The following RPS6KC1 variants were observed in gnomAD, a reference collection of about 807,000 sequenced individuals.
RPS6KC1 encodes ribosomal protein S6 kinase C1, also known as inactive ribosomal protein S6 kinase delta-1.
In RPS6KC1, 54 loss-of-function variants were observed where a neutral mutation model predicts 103.8. The ratio of observed to expected loss-of-function variants is 0.52; its 90% CI spans 0.42 to 0.65. The LOEUF (loss-of-function observed/expected upper bound fraction) is 0.65. Among genes scored for constraint, RPS6KC1 ranks in the 30% least tolerant of loss-of-function variants. RPS6KC1 has a pLI of 0.00. For missense variants in RPS6KC1, 1,151 were observed against 1,253.8 expected, an observed-to-expected ratio of 0.92 and a Z score of 1.24; for synonymous variants, 439 against 438.7, an observed-to-expected ratio of 1.00 and a Z score of -0.01.
At chr1:213,187,544 C>T (rs1303562088) in intron 8 of RPS6KC1, among the ~76,000 whole-genome samples, 3 of 151,722 alleles carry the variant, frequency 2.0e-5, no homozygotes, top group Admixed American at 2.0e-4. Flanking sequence ...CTGTGCCTGG[C>T]CTAATTTCTT....
intron 3 of RPS6KC1, among the ~76,000 whole-genome samples, chr1:213,087,445 C>T (rs1382984692): frequency 2.0e-5 from 3 of 152,134 alleles, no homozygotes; most frequent in African/African-American, 7.2e-5. Context: ...GAGGCTGTGC[C>T]AGTTATCCCT....
At chr1:213,168,026 T>C (rs1356804519) in intron 7 of RPS6KC1, 53 bp downstream of exon 7, 3 of 1,099,676 alleles carry the variant, frequency 2.7e-6, no homozygotes, top group African/African-American at 3.1e-5. Flanking sequence ...TGCTGTCTGG[T>C]CTCTCTGCTT....
chr1:213,500,172 A>AT, the RPS6KC1 span, among the ~76,000 whole-genome samples: 2 of 152,188 alleles, frequency 1.3e-5, no homozygotes, highest in African/African-American at 2.4e-5. Context: ...ATGCTATACA[A>AT]TTTTTTAAAA....
the RPS6KC1 span, among the ~76,000 whole-genome samples, chr1:213,789,455 G>T: frequency 6.6e-6 from 1 of 152,172 alleles, no homozygotes; most frequent in Admixed American, 6.5e-5. Flanking sequence ...AGGACCACAG[G>T]TTGAACCAAA....
chr1:213,690,930 T>A, the RPS6KC1 span, among the ~76,000 whole-genome samples: 1 of 152,152 alleles, frequency 6.6e-6, no homozygotes, highest in African/African-American at 2.4e-5. Context: ...TCTTCTTTAT[T>A]ACCCTGCTAA....
chr1:213,482,197 GAAGAA>G, the RPS6KC1 span, among the ~76,000 whole-genome samples: 1 of 152,110 alleles, frequency 6.6e-6, no homozygotes, highest in Admixed American at 6.6e-5. Flanking sequence ...TCATAGCAGT[GAAGAA>G]GAGACTAATA....
intron 7 of RPS6KC1, 89 bp from the exon 8 acceptor site, chr1:213,176,311 C>T: frequency 1.5e-6 from 1 of 665,114 alleles, no homozygotes; most frequent in Non-Finnish European, 2.5e-6. Flanking sequence ...GATGAATTTA[C>T]TTTCCTTTGG....
At chr1:213,148,225 A>G (rs1423706467) in intron 6 of RPS6KC1, among the ~76,000 whole-genome samples, 1 of 152,108 alleles carries the variant, frequency 6.6e-6, no homozygotes, top group Non-Finnish European at 1.5e-5. Flanking sequence ...GTGTTGAATA[A>G]CAGTGGTAAA....
At chr1:213,240,574 G>A in intron 10 of RPS6KC1, 128 bp from the exon 11 acceptor site, 4 of 753,254 alleles carry the variant, frequency 5.3e-6, no homozygotes, top group South Asian at 1.9e-5. Flanking sequence ...TATGGCACAC[G>A]ATATTAATGG....
intron 6 of RPS6KC1, among the ~76,000 whole-genome samples, chr1:213,155,838 T>C (rs1002319589): frequency 3.3e-5 from 5 of 152,128 alleles, no homozygotes; most frequent in African/African-American, 1.2e-4. Context: ...TATTCTGCTG[T>C]CTTGTTCCAC....
At chr1:213,803,693 G>T in the RPS6KC1 span, among the ~76,000 whole-genome samples, 48 of 152,138 alleles carry the variant, frequency 3.2e-4, 1 homozygote, top group Non-Finnish European at 8.8e-5. Flanking sequence ...ATGGGTCATT[G>T]CTGACCAGCA....
At chr1:213,591,938 G>A in the RPS6KC1 span, among the ~76,000 whole-genome samples, 1 of 152,198 alleles carries the variant, frequency 6.6e-6, no homozygotes, top group African/African-American at 2.4e-5. Context: ...CCCCAGGAAG[G>A]GAGCATGACC....
At chr1:213,524,576 GA>G in the RPS6KC1 span, among the ~76,000 whole-genome samples, 1 of 152,188 alleles carries the variant, frequency 6.6e-6, no homozygotes, top group East Asian at 1.9e-4. Flanking sequence ...CTCTGGTGTG[GA>G]AAGTATGGGC....
At chr1:213,149,404 C>G (rs1446192821) in intron 6 of RPS6KC1, among the ~76,000 whole-genome samples, 1 of 152,192 alleles carries the variant, frequency 6.6e-6, no homozygotes, top group African/African-American at 2.4e-5. Flanking sequence ...CATTTACTCA[C>G]TGGTCATTCA....
the RPS6KC1 span, among the ~76,000 whole-genome samples, chr1:213,482,488 G>A: frequency 2.3e-5 from 3 of 129,046 alleles, no homozygotes; most frequent in Non-Finnish European, 5.0e-5. Context: ...TATGTATTTT[G>A]TAAGGAGCTT....
At chr1:213,300,110 A>G in the RPS6KC1 span, among the ~76,000 whole-genome samples, 1 of 152,340 alleles carries the variant, frequency 6.6e-6, no homozygotes, top group Non-Finnish European at 1.5e-5. Context: ...CCGCCGCTAA[A>G]TTCTTTTTTT....
chr1:213,781,890 AT>A, the RPS6KC1 span, among the ~76,000 whole-genome samples: 1 of 152,302 alleles, frequency 6.6e-6, no homozygotes, highest in Admixed American at 6.5e-5. Flanking sequence ...GATTCAGAAC[AT>A]TGGCAAATGG....
intron 1 of RPS6KC1, among the ~76,000 whole-genome samples, chr1:213,058,058 C>CTTTTT (rs1558232709): frequency 7.2e-6 from 1 of 139,732 alleles, no homozygotes; most frequent in Non-Finnish European, 1.5e-5. Context: ...GTGCGCCTGA[C>CTTTTT]CTTTTTTTTT....
chr1:213,134,607 A>AG (rs1417973112), intron 6 of RPS6KC1, among the ~76,000 whole-genome samples: 1 of 152,160 alleles, frequency 6.6e-6, no homozygotes, highest in Non-Finnish European at 1.5e-5. Context: ...CTAGGCTATC[A>AG]GGGATGTCCA....
Sources: gnomAD v4.1 joint callset for allele counts (sites outside exome capture counted in the v4.1 genomes callset) on GRCh38, gnomAD v4.1.1 for gene constraint, MANE v1.5 for transcripts, NCBI Gene and HGNC (gene_info 2026-07-23, HGNC 2026-07-21) for gene names.